The following FANCC variants were observed in gnomAD, a reference collection of about 807,000 sequenced individuals.
The protein encoded by FANCC is Fanconi anemia group C protein.
In FANCC, 55 loss-of-function variants were observed where a neutral mutation model predicts 71.3. The ratio of observed to expected loss-of-function variants is 0.77; its 90% CI spans 0.62 to 0.97. FANCC has a LOEUF of 0.97. Ranked by LOEUF, FANCC falls within the 50% of genes least tolerant of loss-of-function variation. The pLI, the probability that FANCC is intolerant of heterozygous loss-of-function variation, is 0.00. For missense variants in FANCC, 678 were observed against 670.9 expected, an observed-to-expected ratio of 1.01 and a Z score of -0.12; for synonymous variants, 275 against 244.9, an observed-to-expected ratio of 1.12 and a Z score of -1.15.
At chr9:95,208,433 T>C (rs1330871479) in intron 4 of FANCC, among the ~76,000 whole-genome samples, 3 of 151,812 alleles carry the variant, frequency 2.0e-5, no homozygotes, top group Admixed American at 6.6e-5. Context: ...ACCCATATTA[T>C]CTCCTACTAT....
At chr9:95,196,857 G>T (rs571843754) in intron 4 of FANCC, among the ~76,000 whole-genome samples, 1 of 152,296 alleles carries the variant, frequency 6.6e-6, no homozygotes, top group Middle Eastern at 3.4e-3. Flanking sequence ...TGCTCCAAAA[G>T]CACCTTGCTG....
intron 4 of FANCC, among the ~76,000 whole-genome samples, chr9:95,195,059 G>A (rs565191347): frequency 2.0e-5 from 3 of 151,888 alleles, no homozygotes; most frequent in South Asian, 2.1e-4. Context: ...TTAGCTTGGC[G>A]TGGTGGCACG....
chr9:95,291,967 A>ATATATATATAT (rs1554869938), intron 1 of FANCC, among the ~76,000 whole-genome samples: 30 of 50,396 alleles, frequency 6.0e-4, no homozygotes, highest in Admixed American at 1.0e-3. Context: ...AAAAAAAAAA[A>ATATATATATAT]ATATATATAT....
Position 95,151,152 on chromosome 9 carries a change from C to T in FANCC, c.522-1065G>A, listed in dbSNP as rs766707108. ...CCGTGCTTTACTTCTCTTCCTGGTACCTTTCACCACCTGACCTACACAGTA... is the reference window on the plus strand; with the variant it reads ...CCGTGCTTTACTTCTCTTCCTGGTATCTTTCACCACCTGACCTACACAGTA... On this transcript the variant is annotated intron_variant, in intron 6 of 14. Coordinates refer to ENST00000289081, the MANE Select transcript of FANCC (RefSeq NM_000136.3). Among the ~76,000 whole-genome samples the T allele has an allele frequency of 4.0e-4, 61 of 151,878 alleles. 1 individual carries two copies. The highest frequency in any genetic ancestry group is 9.8e-4 in the Admixed American group (15 of 15,246).
Position 95,126,587 on chromosome 9 carries a change from A to G in FANCC, c.844-6T>C, listed in dbSNP as rs1417324884. 1.9e-6 allele frequency: 3 copies of G among 1,613,980 alleles called. No individual in the cohort carries two copies. The highest frequency in any genetic ancestry group is 2.5e-6 in the Non-Finnish European group (3 of 1,179,878). ...GGGTGGCAGGCTGCTTGAGGCTGTA[A>G]AAGGAGAAGACCATGAGAATGTGAA... On this transcript the variant is annotated splice_polypyrimidine_tract_variant and splice_region_variant and intron_variant, in intron 8 of 14. Coordinates refer to ENST00000289081, the MANE Select transcript of FANCC (RefSeq NM_000136.3).
intron 4 of FANCC, among the ~76,000 whole-genome samples, chr9:95,185,592 G>T (rs1286854125): frequency 2.0e-5 from 3 of 152,146 alleles, no homozygotes; most frequent in Non-Finnish European, 4.4e-5. Flanking sequence ...GCTTCCAACA[G>T]TTAATGGTCT....
In FANCC at chr9:95,104,942, A is replaced by G. The variant is rs1588020643; in HGVS notation, c.1533+2124T>C. Among the ~76,000 whole-genome samples the G allele has an allele frequency of 3.9e-5, 6 of 152,160 alleles. No individual in the cohort carries two copies. The South Asian group carries it at 1.2e-3, about 32-fold the overall frequency. On this transcript the variant is annotated intron_variant, in intron 14 of 14. Transcript: ENST00000289081. Reference sequence around the variant, plus strand: ...ATCCCACCCATAGGTGAGAGCATGCATTTGTCTCTCGCGTCTGGCTTATTT... The same window carrying G: ...ATCCCACCCATAGGTGAGAGCATGCGTTTGTCTCTCGCGTCTGGCTTATTT...
intron 4 of FANCC, among the ~76,000 whole-genome samples, chr9:95,175,441 G>A (rs1179896421): frequency 6.6e-6 from 1 of 152,140 alleles, no homozygotes; most frequent in East Asian, 1.9e-4. Context: ...AGAAGGATGG[G>A]GCCACTTGCT....
chr9:95,225,275 C>T (rs971543113), intron 4 of FANCC, among the ~76,000 whole-genome samples: 1 of 152,190 alleles, frequency 6.6e-6, no homozygotes, highest in Admixed American at 6.5e-5. Flanking sequence ...CCACTACAGA[C>T]GTCACTGTTT....
chr9:95,315,963 T>C (rs900921276), intron 1 of FANCC, among the ~76,000 whole-genome samples: 2 of 152,228 alleles, frequency 1.3e-5, no homozygotes, highest in African/African-American at 4.8e-5. Context: ...GCAACACATC[T>C]TCCACAACCA....
chr9:95,205,400 T>C (rs1828062202), intron 4 of FANCC, among the ~76,000 whole-genome samples: 1 of 152,120 alleles, frequency 6.6e-6, no homozygotes, highest in Non-Finnish European at 1.5e-5. Context: ...TTGACAACTG[T>C]CTTTAATTAT....
intron 1 of FANCC, chr9:95,317,310 T>TCCCACCTCCCACCTC (rs1259856075): frequency 6.7e-6 from 1 of 148,696 alleles, no homozygotes; most frequent in African/African-American, 2.5e-5. Flanking sequence ...CCCGCCACCT[T>TCCCACCTCCCACCTC]CCGCCTCCCG....
At chr9:95,179,397 C>A (rs1826205131) in intron 4 of FANCC, among the ~76,000 whole-genome samples, 1 of 152,180 alleles carries the variant, frequency 6.6e-6, no homozygotes, top group Admixed American at 6.5e-5. Flanking sequence ...CCCAGGCTGG[C>A]GTGCAATGGC....
chr9:95,309,954 G>A (rs1351064487), intron 1 of FANCC, among the ~76,000 whole-genome samples: 1 of 152,168 alleles, frequency 6.6e-6, no homozygotes, highest in African/African-American at 2.4e-5. Flanking sequence ...AAATCTATTG[G>A]CTAGAACAAT....
chr9:95,308,887 A>C (rs1213988132), intron 1 of FANCC, among the ~76,000 whole-genome samples: 3 of 152,184 alleles, frequency 2.0e-5, no homozygotes, highest in Non-Finnish European at 4.4e-5. Context: ...TCATGCCTGT[A>C]GTCCCAGCTA....
intron 4 of FANCC, among the ~76,000 whole-genome samples, chr9:95,226,477 C>T (rs903037618): frequency 6.6e-6 from 1 of 152,080 alleles, no homozygotes; most frequent in Non-Finnish European, 1.5e-5. Flanking sequence ...CCCAGGAACA[C>T]GGCAGACAGG....
intron 12 of FANCC, 75 bp downstream of exon 12, chr9:95,114,554 C>T: frequency 7.6e-7 from 1 of 1,307,320 alleles, no homozygotes; most frequent in Non-Finnish European, 1.1e-6. Context: ...CTCTGTCAGC[C>T]CTGCTCAAAG....
At chr9:95,304,655 C>T (rs1037596694) in intron 1 of FANCC, among the ~76,000 whole-genome samples, 1 of 139,872 alleles carries the variant, frequency 7.1e-6, no homozygotes, top group Admixed American at 7.8e-5. Context: ...GAGGCTGAGA[C>T]ACAAGAATCC....
intron 4 of FANCC, among the ~76,000 whole-genome samples, chr9:95,179,214 G>C (rs1406357551): frequency 6.6e-6 from 1 of 152,182 alleles, no homozygotes; most frequent in Admixed American, 6.5e-5. Context: ...AGATAAAAGA[G>C]ACCTTGTAGT....
Sources: gnomAD v4.1 joint callset for allele counts (sites outside exome capture counted in the v4.1 genomes callset) on GRCh38, gnomAD v4.1.1 for gene constraint, MANE v1.5 for transcripts, NCBI Gene and HGNC (gene_info 2026-07-23, HGNC 2026-07-21) for gene names.